The following OGFRL1 variants were observed in gnomAD, a reference collection of about 807,000 sequenced individuals.
The protein encoded by OGFRL1 is opioid growth factor receptor like 1.
In OGFRL1, 26 loss-of-function variants were observed where a neutral mutation model predicts 32.4. The ratio of observed to expected loss-of-function variants is 0.80; its 90% confidence interval spans 0.59 to 1.11. OGFRL1 has a LOEUF of 1.11. Ranked by LOEUF, OGFRL1 falls within the 50% of genes most tolerant of loss-of-function variation. The pLI is 0.00. For synonymous variants in OGFRL1, 211 were observed against 201.2 expected (o/e 1.05, Z -0.41); for missense variants, 521 against 546.4 (o/e 0.95, Z 0.46).
rs1218623451 is a variant in OGFRL1 at position 71,306,604 on chromosome 6, G to A, written c.*4555G>A. 1.3e-5 allele frequency: 2 copies of A among 152,130 alleles called. No homozygotes were observed. Among genetic ancestry groups the A allele is most frequent in the African/African-American group, 4.8e-5 (2 of 41,430 alleles). The allele number at this position is 152,130 out of a possible 1,614,324, so 9.4% of individuals were successfully genotyped here. A position where few individuals can be genotyped will look rare whatever the true frequency, so the allele number is the denominator to read the frequency against. On this transcript the variant is annotated 3_prime_UTR_variant, in exon 7 of 7. Coordinates refer to ENST00000370435, the MANE Select transcript of OGFRL1 (RefSeq NM_024576.5). Reference sequence around the variant, plus strand: ...GTTCTTTTAATGAAATTTAGGTGGTGCTTTATCATTTTGGAGAAGTTGCTG... The same window carrying A: ...GTTCTTTTAATGAAATTTAGGTGGTACTTTATCATTTTGGAGAAGTTGCTG...
chr6:71,301,025 G>T (rs560218868), intron 6 of OGFRL1, among the ~76,000 whole-genome samples: 1 of 152,336 alleles, frequency 6.6e-6, no homozygotes, highest in South Asian at 2.1e-4. Flanking sequence ...GTACATTGAT[G>T]TTGGTGCAAA....
Position 71,307,329 on chromosome 6 carries a change from G to A in OGFRL1, c.*5280G>A, listed in dbSNP as rs1258669739. On this transcript the variant is annotated 3_prime_UTR_variant, in exon 7 of 7. Coordinates refer to ENST00000370435, the MANE Select transcript of OGFRL1 (RefSeq NM_024576.5). ...GAGCTCTGACTTCTGGGGAGGATAG[G>A]CCATCATGGACTCCATACACAATTT... 2 of 152,076 alleles carry A rather than the reference G, an allele frequency of 1.3e-5. No homozygotes were observed. Among genetic ancestry groups the A allele is most frequent in the East Asian group, 1.9e-4 (1 of 5,186 alleles). 9.4% of individuals were successfully genotyped at this position (152,076 alleles called of 1,614,324 possible). A position where few individuals can be genotyped will look rare whatever the true frequency, so the allele number is the denominator to read the frequency against.
Position 71,304,414 on chromosome 6 carries a change from G to A in OGFRL1, c.*2365G>A, listed in dbSNP as rs1341025788. ...TTCTACAGGGTTTAGAGGATGAGAA[G>A]CGATTGTCAAATTAGGCTGAATTGT... On this transcript the variant is annotated 3_prime_UTR_variant, in exon 7 of 7. Transcript: ENST00000370435. The A allele has an allele frequency of 6.6e-6, 1 of 152,132 alleles. No individual in the cohort carries two copies. Among genetic ancestry groups the A allele is most frequent in the African/African-American group, 2.4e-5 (1 of 41,444 alleles). The allele number at this position is 152,132 out of a possible 1,614,324, so 9.4% of individuals were successfully genotyped here.
chr6:71,288,842 C>A lies in OGFRL1; in HGVS notation c.-95C>A. 1 of 935,662 alleles carries A rather than the reference C, an allele frequency of 1.1e-6. No individual in the cohort carries two copies. The highest frequency in any genetic ancestry group is 5.7e-5 in the Admixed American group (1 of 17,474). 58.0% of individuals were successfully genotyped at this position (935,662 alleles called of 1,614,324 possible). ...GGGCGGGCGCGCCTAGGCTGCCGCC[C>A]AGCGCCCTCGCCGCGGCCATGCCCG... is the stretch of plus-strand genomic sequence containing the variant. On this transcript the variant is annotated 5_prime_UTR_variant, in exon 1 of 7. Transcript: ENST00000370435.
chr6:71,289,842 G>A (rs1372489703), intron 1 of OGFRL1: 4 of 979,024 alleles, frequency 4.1e-6, no homozygotes, highest in Non-Finnish European at 2.4e-6. Flanking sequence ...CTTAACCTCT[G>A]ATGGACTGAA....
At position 71,293,560 on chromosome 6, in the gene OGFRL1, G is replaced by T. The variant is rs1766114060; in HGVS notation, c.349G>T (p.Asp117Tyr). The change falls in exon 3 of 7, where the codon GAC becomes TAC. Residue 117 changes from aspartate (D) to tyrosine (Y), a missense_variant. By Grantham distance (160) the Asp-to-Tyr change is radical. Coordinates refer to ENST00000370435, the MANE Select transcript of OGFRL1 (RefSeq NM_024576.5). ...CTTCAAAGATATCCGATATCAAAAT[G>T]ACTTGAGCAATCTTCGTTTTTATAA... ...PNFKDIRYQN[D>Y]LSNLRFYKNK... is the part of the protein sequence containing the mutation. The T allele has an allele frequency of 1.7e-5, 28 of 1,613,006 alleles. No individual in the cohort carries two copies. Among genetic ancestry groups the T allele is most frequent in the Non-Finnish European group, 2.3e-5 (27 of 1,179,358 alleles).
chr6:71,294,683 C>A (rs1766148635), intron 3 of OGFRL1, among the ~76,000 whole-genome samples: 2 of 152,140 alleles, frequency 1.3e-5, no homozygotes, highest in African/African-American at 4.8e-5. Context: ...AATGAAACCT[C>A]TGGATAAAAT....
chr6:71,293,468 A>G (rs528157874), intron 2 of OGFRL1, 65 bp from the exon 3 acceptor site: 2 of 1,560,430 alleles, frequency 1.3e-6, no homozygotes, highest in South Asian at 2.2e-5. Context: ...AACATGCATG[A>G]AGGGTCCTTG....
intron 6 of OGFRL1, among the ~76,000 whole-genome samples, chr6:71,300,668 C>A (rs1421679650): frequency 1.3e-5 from 2 of 152,044 alleles, no homozygotes; most frequent in African/African-American, 4.8e-5. Flanking sequence ...TCATTTGATT[C>A]TTACAACAGT....
In OGFRL1 at chr6:71,307,679, T is replaced by C. The variant is rs1766595039; in HGVS notation, c.*5630T>C. The C allele has an allele frequency of 6.7e-6, 1 of 148,912 alleles. No homozygotes were observed. Among genetic ancestry groups the C allele is most frequent in the Admixed American group, 6.8e-5 (1 of 14,808 alleles). 9.2% of individuals were successfully genotyped at this position (148,912 alleles called of 1,614,324 possible). On this transcript the variant is annotated 3_prime_UTR_variant, in exon 7 of 7. Coordinates refer to ENST00000370435, the MANE Select transcript of OGFRL1 (RefSeq NM_024576.5). ...GTTTGTCATAGTTTTACTTTTTAAA[T>C]TATACTTTGTGTAACAATTTACGTT...
chr6:71,297,015 A>G (rs1561949032), intron 6 of OGFRL1, among the ~76,000 whole-genome samples, 198 bp downstream of exon 6: 1 of 152,204 alleles, frequency 6.6e-6, no homozygotes, highest in Non-Finnish European at 1.5e-5. Flanking sequence ...ACAAAATTCT[A>G]GGTAGAAACA....
intron 2 of OGFRL1, 33 bp from the exon 3 acceptor site, chr6:71,293,500 T>C: frequency 6.3e-7 from 1 of 1,586,190 alleles, no homozygotes; most frequent in African/African-American, 1.3e-5. Context: ...TATTTCTATG[T>C]GCTGGAGATT....
rs760136631 is a variant in OGFRL1, at chr6:71,296,733, A to G, written c.608A>G (p.Glu203Gly). The G allele has an allele frequency of 2.5e-6, 4 of 1,613,684 alleles. No individual in the cohort carries two copies. In the East Asian group the frequency reaches 6.7e-5, roughly 27 times the overall value. Reference sequence around the variant, plus strand: ...CTCCTGGCTTATAAAATGATGCTAGAATTTTTTGGAATAAAACTGACTGAT... The same window carrying G: ...CTCCTGGCTTATAAAATGATGCTAGGATTTTTTGGAATAAAACTGACTGAT... ...RFLLAYKMMLEFFGIKLTDKT... is the reference protein window; with the variant it reads ...RFLLAYKMMLGFFGIKLTDKT... The change falls in exon 6 of 7, where the codon GAA (glutamate) becomes GGA (glycine). Residue 203 changes from glutamate to glycine, a missense_variant. Physicochemically the swap from Glu to Gly is moderately conservative, Grantham distance 98. Transcript: ENST00000370435.
In OGFRL1 at chr6:71,289,910, C is replaced by T. The variant is rs191928244; in HGVS notation, c.234+740C>T. 185 of 766,248 alleles carry T rather than the reference C, an allele frequency of 2.4e-4. 4 individuals carry two copies. In the African/African-American group the frequency reaches 3.3e-3, roughly 13 times the overall value. The allele number at this position is 766,248 out of a possible 1,614,324, so 47.5% of individuals were successfully genotyped here. A position where few individuals can be genotyped will look rare whatever the true frequency, so the allele number is the denominator to read the frequency against. The stretch of plus-strand genomic sequence containing the variant: ...GTAGCCGACCCCCTGAAGAAGTGTG[C>T]ATCCTGGAGGTGGTTCAGGTTTGCC... On this transcript the variant is annotated intron_variant, in intron 1 of 6. Coordinates refer to ENST00000370435, the MANE Select transcript of OGFRL1 (RefSeq NM_024576.5).
At chr6:71,299,624 A>G (rs970811889) in intron 6 of OGFRL1, among the ~76,000 whole-genome samples, 2 of 152,160 alleles carry the variant, frequency 1.3e-5, no homozygotes, top group African/African-American at 4.8e-5. Context: ...CCACCTTTTT[A>G]TACATCTTTT....
At position 71,308,785 on chromosome 6, in the gene OGFRL1, T is replaced by C. The variant is rs1308397001; in HGVS notation, c.*6736T>C. 6.6e-6 allele frequency: 1 copy of C among 152,208 alleles called. No homozygotes were observed. Among genetic ancestry groups the C allele is most frequent in the Non-Finnish European group, 1.5e-5 (1 of 68,018 alleles). 9.4% of individuals were successfully genotyped at this position (152,208 alleles called of 1,614,324 possible). A position where few individuals can be genotyped will look rare whatever the true frequency, so the allele number is the denominator to read the frequency against. ...TTTTAAAATATTGTTTCTAAAATAATAGAGTTAGAGTTCCTTTTGAGTAAT... is the reference window on the plus strand; with the variant it reads ...TTTTAAAATATTGTTTCTAAAATAACAGAGTTAGAGTTCCTTTTGAGTAAT... On this transcript the variant is annotated 3_prime_UTR_variant, in exon 7 of 7. Transcript: ENST00000370435.
At chr6:71,295,503 A>G (rs1438246454) in intron 3 of OGFRL1, 1 of 152,188 alleles carries the variant, frequency 6.6e-6, no homozygotes, top group Non-Finnish European at 1.5e-5. Flanking sequence ...GTAGAGGAAA[A>G]GTGGACAGGG....
rs931086455 is a variant in OGFRL1, at chr6:71,303,194, T to C, written c.*1145T>C. ...ATTGACATAGCATTTATATTGTATG[T>C]ATTAGGTATTGTAAGTAATTTAGAG... On this transcript the variant is annotated 3_prime_UTR_variant, in exon 7 of 7. Coordinates refer to ENST00000370435, the MANE Select transcript of OGFRL1 (RefSeq NM_024576.5). 6.6e-6 allele frequency: 1 copy of C among 152,236 alleles called. No homozygotes were observed. The highest frequency in any genetic ancestry group is 2.4e-5 in the African/African-American group (1 of 41,468). 9.4% of individuals were successfully genotyped at this position (152,236 alleles called of 1,614,324 possible).
Position 71,296,763 on chromosome 6 carries a change from C to T in OGFRL1, c.638C>T (p.Thr213Ile). The change falls in exon 6 of 7, where the codon ACT (threonine) becomes ATT (isoleucine). Residue 213 changes from threonine (T) to isoleucine (I), a missense_variant. By Grantham distance (89) the Thr-to-Ile change is moderately conservative. Transcript: ENST00000370435. Reference sequence around the variant, plus strand: ...TTTGGAATAAAACTGACTGATAAAACTGGAAATGTTGCTCGGGCTGTTAAC... The same window carrying T: ...TTTGGAATAAAACTGACTGATAAAATTGGAAATGTTGCTCGGGCTGTTAAC... ...EFFGIKLTDK[T>I]GNVARAVNWQ... 1 of 1,613,598 alleles carries T rather than the reference C, an allele frequency of 6.2e-7. No individual in the cohort carries two copies. The highest frequency in any genetic ancestry group is 8.5e-7 in the Non-Finnish European group (1 of 1,179,684).
Sources: gnomAD v4.1 joint callset for allele counts (sites outside exome capture counted in the v4.1 genomes callset) on GRCh38, gnomAD v4.1.1 for gene constraint, MANE v1.5 for transcripts, NCBI Gene and HGNC (gene_info 2026-07-23, HGNC 2026-07-21) for gene names.